Variants in ACP7 observed in about 807,000 individuals in gnomAD.
ACP7 encodes the protein acid phosphatase 7, tartrate resistant (putative), also known as acid phosphatase type 7.
In ACP7, 58 loss-of-function variants were observed where a neutral mutation model predicts 60.6. The observed-to-expected ratio is 0.96, with a 90% CI of 0.77 to 1.19. The LOEUF (loss-of-function observed/expected upper bound fraction) is 1.19. ACP7 is among the 50% of genes most tolerant of loss of function. The pLI, the probability that ACP7 is intolerant of heterozygous loss-of-function variation, is 0.00. For synonymous variants in ACP7, 237 were observed against 232.6 expected (o/e 1.02, Z -0.17); for missense variants, 574 against 596.2 (o/e 0.96, Z 0.39).
At chr19:39,109,685 TAAAAA>T (rs34682645) in intron 12 of ACP7, among the ~76,000 whole-genome samples, 2 of 65,502 alleles carry the variant, frequency 3.1e-5, no homozygotes, top group Non-Finnish European at 5.2e-5. Context: ...AGACTCTGTC[TAAAAA>T]AAAAAAAAAA....
At chr19:39,094,947 A>G (rs1338040501) in intron 2 of ACP7, among the ~76,000 whole-genome samples, 1 of 151,950 alleles carries the variant, frequency 6.6e-6, no homozygotes, top group Non-Finnish European at 1.5e-5. Flanking sequence ...CCTTGATAAA[A>G]CCCTCAGATC....
At position 39,099,286 on chromosome 19, in the gene ACP7, G is replaced by A. The variant is rs921255067; in HGVS notation, c.505+144G>A. On this transcript the variant is annotated intron_variant, in intron 4 of 12. Coordinates refer to ENST00000331256, the MANE Select transcript of ACP7 (RefSeq NM_001004318.3). ...GGCTGGGGCCAGTGTGTCTCTGAAG[G>A]GACAGGGGATGAGACTGGCTACGGA... The A allele has an allele frequency of 3.1e-5, 31 of 999,752 alleles. No individual in the cohort carries two copies. In the African/African-American group the frequency reaches 4.9e-4, roughly 16 times the overall value. 61.9% of individuals were successfully genotyped at this position (999,752 alleles called of 1,614,324 possible).
chr19:39,093,057 C>T (rs563077), intron 2 of ACP7, among the ~76,000 whole-genome samples: 5,114 of 151,096 alleles, frequency 0.034, 310 homozygotes, highest in African/African-American at 0.12. Context: ...GGATTACAGG[C>T]GTGAGCCACC....
chr19:39,110,084 T>C lies in ACP7; in HGVS notation c.1283T>C (p.Val428Ala), dbSNP rs770475667. ...DGKIVDDVWVVRPLFGRRMYL is the reference protein window; with the variant it reads ...DGKIVDDVWVARPLFGRRMYL ...AAGATCGTAGATGATGTCTGGGTGG[T>C]GAGACCCCTGTTTGGCCGGAGGATG... Residue 428 changes from valine (V) to alanine (A), a missense_variant, in exon 13 of 13, where the codon GTG (valine) becomes GCG (alanine). Val to Ala is a moderately conservative substitution (Grantham distance 64). Transcript: ENST00000331256. 2.5e-6 allele frequency: 4 copies of C among 1,613,936 alleles called. No homozygotes were observed. In the South Asian group the frequency reaches 3.3e-5, roughly 13 times the overall value.
Position 39,110,271 on chromosome 19 carries a change from G to A in ACP7, c.*153G>A, listed in dbSNP as rs1157386593. The A allele has an allele frequency of 1.0e-5, 7 of 701,036 alleles. No individual in the cohort carries two copies. Among genetic ancestry groups the A allele is most frequent in the South Asian group, 1.8e-5 (1 of 55,078 alleles). The allele number at this position is 701,036 out of a possible 1,614,324, so 43.4% of individuals were successfully genotyped here. On this transcript the variant is annotated 3_prime_UTR_variant, in exon 13 of 13. Transcript: ENST00000331256. The stretch of plus-strand genomic sequence containing the variant: ...GGGTACATGCAGCCCTATGGAGCTG[G>A]GGCAGCTGTTCCCTCCTGGAGAGGT...
At chr19:39,098,692 G>A (rs771659848) in intron 3 of ACP7, 34 bp downstream of exon 3, 1 of 1,579,296 alleles carries the variant, frequency 6.3e-7, no homozygotes, top group South Asian at 1.2e-5. Flanking sequence ...TGTTGAGGAG[G>A]AGTGGGAAGA....
At chr19:39,098,758 A>T (rs2073301885) in intron 3 of ACP7, 100 bp downstream of exon 3, 15 of 1,387,022 alleles carry the variant, frequency 1.1e-5, no homozygotes, top group Non-Finnish European at 1.5e-5. Flanking sequence ...CTGGGCTGGT[A>T]ACTCCACTGC....
chr19:39,086,307 A>G (rs1221160387), intron 2 of ACP7, among the ~76,000 whole-genome samples: 1 of 150,752 alleles, frequency 6.6e-6, no homozygotes, highest in Admixed American at 6.6e-5. Flanking sequence ...AGCCTGGGCA[A>G]CAGAGAGAGA....
Position 39,104,417 on chromosome 19 carries a change from C to T in ACP7, c.1114-2530C>T, listed in dbSNP as rs149772106. Among the ~76,000 whole-genome samples, 517 of 152,206 alleles carry T rather than the reference C, an allele frequency of 3.4e-3. 4 individuals are homozygous for T. The highest frequency in any genetic ancestry group is 5.8e-3 in the South Asian group (28 of 4,824). On this transcript the variant is annotated intron_variant, in intron 11 of 12. Coordinates refer to ENST00000331256, the MANE Select transcript of ACP7 (RefSeq NM_001004318.3). ...AAAGTCCAGTGCTTGGGCCTGACCC[C>T]GGACAAAATACCAGAATCCCTGGCA...
intron 11 of ACP7, among the ~76,000 whole-genome samples, chr19:39,104,045 G>A (rs1443020939): frequency 6.6e-6 from 1 of 151,590 alleles, no homozygotes; most frequent in Admixed American, 6.6e-5. Flanking sequence ...TTCGAGACCA[G>A]CCTGGGCAAC....
chr19:39,085,023 CTG>C (rs2073124731), intron 1 of ACP7, 67 bp from the exon 2 acceptor site: 1 of 460,170 alleles, frequency 2.2e-6, no homozygotes. Context: ...GGTTGGCACA[CTG>C]TGAGTGAGGC....
chr19:39,086,208 G>GTCCC (rs2073139434), intron 2 of ACP7, among the ~76,000 whole-genome samples: 1 of 152,096 alleles, frequency 6.6e-6, no homozygotes, highest in Non-Finnish European at 1.5e-5. Context: ...TGCACCTATA[G>GTCCC]TCCCAGCTAC....
At chr19:39,086,035 G>A (rs1227023569) in intron 2 of ACP7, among the ~76,000 whole-genome samples, 1 of 152,182 alleles carries the variant, frequency 6.6e-6, no homozygotes, top group African/African-American at 2.4e-5. Flanking sequence ...TAAAGGGGCA[G>A]AACTGAGGCT....
intron 2 of ACP7, among the ~76,000 whole-genome samples, chr19:39,097,643 C>T (rs2073282344): frequency 6.6e-6 from 1 of 151,452 alleles, no homozygotes; most frequent in African/African-American, 2.4e-5. Context: ...ATTGCCAGAT[C>T]TGAGTGATGG....
At chr19:39,100,408 T>A (rs2073325991) in intron 5 of ACP7, 58 bp downstream of exon 5, 1 of 1,607,254 alleles carries the variant, frequency 6.2e-7, no homozygotes, top group African/African-American at 1.3e-5. Flanking sequence ...ATGGTCTCGT[T>A]CTTCTTAGTG....
At chr19:39,086,029 G>A (rs1282236447) in intron 2 of ACP7, among the ~76,000 whole-genome samples, 1 of 152,156 alleles carries the variant, frequency 6.6e-6, no homozygotes. Context: ...TACCTGTAAA[G>A]GGGCAGAACT....
chr19:39,106,870 C>T (rs1034016396), intron 11 of ACP7, 77 bp from the exon 12 acceptor site: 37 of 1,565,956 alleles, frequency 2.4e-5, no homozygotes, highest in Non-Finnish European at 2.9e-5. Context: ...GCAGCAGGGT[C>T]CTGGGCTAGC....
At chr19:39,100,511 G>A in intron 5 of ACP7, 69 bp from the exon 6 acceptor site, 1 of 1,601,988 alleles carries the variant, frequency 6.2e-7, no homozygotes, top group Non-Finnish European at 8.6e-7. Context: ...CCTGACAGTG[G>A]CGGGGTATAG....
In ACP7 at chr19:39,110,314, G is replaced by A; in HGVS notation, c.*196G>A. On this transcript the variant is annotated 3_prime_UTR_variant, in exon 13 of 13. Coordinates refer to ENST00000331256, the MANE Select transcript of ACP7 (RefSeq NM_001004318.3). Reference sequence around the variant, plus strand: ...GGAGAGGTGGGAGTCCTGGCTGGCTGTGGAGGGAGGGCAGGTGTGCGGGCA... The same window carrying A: ...GGAGAGGTGGGAGTCCTGGCTGGCTATGGAGGGAGGGCAGGTGTGCGGGCA... 2 of 599,398 alleles carry A rather than the reference G, an allele frequency of 3.3e-6. No individual in the cohort carries two copies. The highest frequency in any genetic ancestry group is 4.0e-5 in the South Asian group (2 of 49,492). 37.1% of individuals were successfully genotyped at this position (599,398 alleles called of 1,614,324 possible).
Sources: allele counts gnomAD v4.1 joint callset (sites outside exome capture counted in the v4.1 genomes callset), GRCh38; gene constraint gnomAD v4.1.1; transcripts MANE v1.5; gene names NCBI Gene and HGNC (gene_info 2026-07-23, HGNC 2026-07-21).